FAM228B: variants seen among roughly 807,000 people sequenced by gnomAD.
The protein encoded by FAM228B is family with sequence similarity 228 member B.
A neutral mutation model predicts 42.6 loss-of-function variants in FAM228B; 38 were observed. The ratio of observed to expected loss-of-function variants is 0.89; its 90% confidence interval spans 0.69 to 1.17. The LOEUF is 1.17. FAM228B is among the 50% of genes most tolerant of loss of function. The probability of loss-of-function intolerance (pLI) is 0.00; values close to 1 mark genes in which losing one functional copy is unlikely to be tolerated. For synonymous variants in FAM228B, 109 were observed against 122.3 expected (o/e 0.89, Z 0.72); for missense variants, 344 against 367.3 (o/e 0.94, Z 0.52).
chr2:24,131,082 G>A (rs1463706480), intron 2 of FAM228B, among the ~76,000 whole-genome samples: 1 of 152,100 alleles, frequency 6.6e-6, no homozygotes, highest in African/African-American at 2.4e-5. Flanking sequence ...TTATTAAAGG[G>A]GAATCTTTTC....
Position 24,080,823 on chromosome 2 carries a change from G to A in FAM228B, c.-289-53G>A. ...ACTGTAGAAGCAGTTGTTTACCTTT[G>A]GTGAATTTCAGCGTTGCTTCAGAGA... On this transcript the variant is annotated intron_variant, in intron 1 of 10. Coordinates refer to the FAM228B transcript ENST00000613899. The surrounding 1 kb of genome is among the most constrained non-coding windows in gnomAD (Gnocchi z 4.7). 6.2e-7 allele frequency: 1 copy of A among 1,614,116 alleles called. No homozygotes were observed. The highest frequency in any genetic ancestry group is 8.5e-7 in the Non-Finnish European group (1 of 1,180,016).
chr2:24,147,483 A>G (rs987477389), intron 7 of FAM228B, among the ~76,000 whole-genome samples: 38 of 151,886 alleles, frequency 2.5e-4, no homozygotes, highest in African/African-American at 8.9e-4. Context: ...TGTTCTGTCT[A>G]CTTTTTTTCT....
At chr2:24,167,584 G>T (rs1291402657) in intron 9 of FAM228B, 43 bp from the exon 10 acceptor site, 2 of 1,550,870 alleles carry the variant, frequency 1.3e-6, no homozygotes, top group Admixed American at 3.9e-5. Flanking sequence ...AATATGGCCA[G>T]TCTCGTATAA....
intron 9 of FAM228B, among the ~76,000 whole-genome samples, chr2:24,164,605 G>T (rs1340666073): frequency 2.0e-5 from 1 of 48,792 alleles, no homozygotes; most frequent in Non-Finnish European, 5.7e-5. Context: ...ACACGATGAG[G>T]GTGCCCCCTG....
chr2:24,090,648 T>C (rs1443533704), intron 2 of FAM228B, among the ~76,000 whole-genome samples: 1 of 150,596 alleles, frequency 6.6e-6, no homozygotes, highest in Non-Finnish European at 1.5e-5. Context: ...GGGAAGTCTA[T>C]CAATACAACC....
chr2:24,084,166 C>T lies in FAM228B; in HGVS notation c.-210+3211C>T. On this transcript the variant is annotated intron_variant, in intron 2 of 10. Coordinates refer to the FAM228B transcript ENST00000613899. This position sits in a 1 kb window ranked among gnomAD's most constrained non-coding sequence, Gnocchi z 8.4. The stretch of plus-strand genomic sequence containing the variant: ...GGAGGCTCTGGAGTCCCGCCCGCCC[C>T]GGCGCGGCTGAGCCCTGGGTACCTG... The T allele has an allele frequency of 6.3e-7, 1 of 1,597,434 alleles. No homozygotes were observed. Among genetic ancestry groups the T allele is most frequent in the Non-Finnish European group, 8.5e-7 (1 of 1,173,262 alleles).
chr2:24,124,431 T>C lies in FAM228B; in HGVS notation c.70T>C (p.Leu24=), dbSNP rs1573757862. The part of the protein sequence containing the change: ...LPKLKSSKEW[L]EPKPLCFMEV... ...CAAGCTCAAGAGCTCAAAAGAATGG[T>C]TGGAGCCCAAGCCCCTTTGTTTTAT... The change falls in exon 2 of 11, where the codon TTG becomes CTG. Residue 24 remains leucine (L), a synonymous_variant. Coordinates refer to ENST00000615575, the MANE Select transcript of FAM228B (RefSeq NM_001145710.2). 1 of 1,551,810 alleles carries C rather than the reference T, an allele frequency of 6.4e-7. No individual in the cohort carries two copies. Among genetic ancestry groups the C allele is most frequent in the East Asian group, 2.4e-5 (1 of 40,914 alleles).
At chr2:24,155,143 A>G (rs1369894291) in intron 7 of FAM228B, among the ~76,000 whole-genome samples, 3 of 152,162 alleles carry the variant, frequency 2.0e-5, no homozygotes, top group Admixed American at 6.5e-5. Context: ...TATAGTGAGC[A>G]ATTAATGGGC....
intron 3 of FAM228B, among the ~76,000 whole-genome samples, chr2:24,136,285 G>T (rs1186953954): frequency 6.6e-6 from 1 of 151,812 alleles, no homozygotes; most frequent in Non-Finnish European, 1.5e-5. Flanking sequence ...GGAGTGCAAT[G>T]GTATGATCTC....
chr2:24,152,610 C>T (rs1270297127), intron 7 of FAM228B, among the ~76,000 whole-genome samples: 2 of 152,212 alleles, frequency 1.3e-5, no homozygotes, highest in African/African-American at 4.8e-5. Flanking sequence ...GATATTTACC[C>T]CCACCTTCTC....
intron 2 of FAM228B, among the ~76,000 whole-genome samples, chr2:24,124,785 G>C (rs773259475): frequency 1.3e-5 from 2 of 152,062 alleles, no homozygotes; most frequent in Non-Finnish European, 2.9e-5. Flanking sequence ...GTCTTGCTAT[G>C]TTTCCTCCTG....
intron 4 of FAM228B, 93 bp downstream of exon 4, chr2:24,138,193 C>G: frequency 2.1e-6 from 2 of 944,138 alleles, no homozygotes; most frequent in South Asian, 3.2e-5. Flanking sequence ...TGTCCCTGTC[C>G]CCTCTACATA....
upstream of FAM228B, chr2:24,122,439 C>T (rs188041309): frequency 1.2e-5 from 20 of 1,613,254 alleles, no homozygotes; most frequent in Admixed American, 3.3e-4. Flanking sequence ...GGTGATGCTA[C>T]ACACAAGCTC....
At chr2:24,112,296 CTTTTTTTTTTTTT>C (rs397984067) in intron 3 of FAM228B, among the ~76,000 whole-genome samples, 1 of 95,746 alleles carries the variant, frequency 1.0e-5, no homozygotes, top group South Asian at 3.5e-4. Context: ...AAGCTTTCAT[CTTTTTTTTTTTTT>C]TTTTTTTTGA....
chr2:24,135,701 A>G (rs768186441), intron 3 of FAM228B, among the ~76,000 whole-genome samples: 7 of 152,184 alleles, frequency 4.6e-5, no homozygotes, highest in Non-Finnish European at 8.8e-5. Context: ...GAAGTGTGCT[A>G]TGGCCAGAGG....
chr2:24,110,812 G>A (rs570985008), intron 3 of FAM228B, among the ~76,000 whole-genome samples: 8 of 152,272 alleles, frequency 5.3e-5, no homozygotes, highest in East Asian at 3.9e-4. Context: ...TGGGTAGTGC[G>A]GGTAGCCTGG....
chr2:24,079,328 T>A, intron 1 of FAM228B: 1 of 1,134,622 alleles, frequency 8.8e-7, no homozygotes, highest in African/African-American at 1.6e-5. Flanking sequence ...AGGGGGAGGT[T>A]TCTTCATAGA....
At chr2:24,142,185 C>G (rs1404607725) in intron 5 of FAM228B, among the ~76,000 whole-genome samples, 1 of 152,196 alleles carries the variant, frequency 6.6e-6, no homozygotes, top group Non-Finnish European at 1.5e-5. Flanking sequence ...TCTGGGTTAT[C>G]AAGTGGAGAT....
chr2:24,116,732 T>C (rs1665931701), intron 3 of FAM228B, among the ~76,000 whole-genome samples: 1 of 151,910 alleles, frequency 6.6e-6, no homozygotes, highest in South Asian at 2.1e-4. Flanking sequence ...CAGGCACCTG[T>C]AGTCCCAGCT....
Sources: gnomAD v4.1 joint callset for allele counts (sites outside exome capture counted in the v4.1 genomes callset) on GRCh38, gnomAD v4.1.1 for gene constraint, Gnocchi (gnomAD v3.1) non-coding constraint, MANE v1.5 for transcripts, NCBI Gene and HGNC (gene_info 2026-07-23, HGNC 2026-07-21) for gene names.